GALNT9: variants seen among roughly 807,000 people sequenced by gnomAD.
The protein encoded by GALNT9 is polypeptide N-acetylgalactosaminyltransferase 9.
GALNT9 carries 47 observed loss-of-function variants against 63.1 expected under a neutral mutation model. That is an observed-to-expected ratio of 0.75 (90% CI 0.59 to 0.95). The LOEUF (loss-of-function observed/expected upper bound fraction) is 0.95. Among genes scored for constraint, GALNT9 ranks in the 40% least tolerant of loss-of-function variants. GALNT9 has a pLI of 0.00. For synonymous variants in GALNT9, 396 were observed against 365.7 expected, an observed-to-expected ratio of 1.08 and a Z score of -0.94; for missense variants, 829 against 874.8, an observed-to-expected ratio of 0.95 and a Z score of 0.66.
chr12:132,328,622 C>T (rs1869147502), intron 1 of GALNT9, among the ~76,000 whole-genome samples: 1 of 152,204 alleles, frequency 6.6e-6, no homozygotes, highest in African/African-American at 2.4e-5. Flanking sequence ...AGCGCCAAGC[C>T]AGCCCCCCAC....
intron 1 of GALNT9, among the ~76,000 whole-genome samples, chr12:132,321,601 A>G (rs1555246148): frequency 6.6e-6 from 1 of 151,542 alleles, no homozygotes; most frequent in African/African-American, 2.4e-5. Flanking sequence ...GACCACCCCA[A>G]CCCCAGGGCC....
In GALNT9 at chr12:132,284,171, ACACACACGCACACCCACGCATGTGTGTG is replaced by A. The variant is rs1331856446; in HGVS notation, c.419+2051_419+2078del. The stretch of plus-strand genomic sequence containing the variant: ...CACATGCACGCACACGCACGTATAC[ACACACACGCACACCCACGCATGTGTGTG>A]CACACGTGCACACACAGACTCCTGT... On this transcript the variant is annotated intron_variant, in intron 2 of 10. Coordinates refer to ENST00000328957, the MANE Select transcript of GALNT9 (RefSeq NM_001122636.2). 8 of 145,784 alleles carry A rather than the reference ACACACACGCACACCCACGCATGTGTGTG, an allele frequency of 5.5e-5. No homozygotes were observed. The East Asian group carries it at 1.6e-3, about 30-fold the overall frequency. 9.0% of individuals were successfully genotyped at this position (145,784 alleles called of 1,614,324 possible). A position where few individuals can be genotyped will look rare whatever the true frequency, so the allele number is the denominator to read the frequency against.
chr12:132,223,178 G>GCACACAACCCACACCC (rs1877540220), intron 6 of GALNT9, among the ~76,000 whole-genome samples: 1 of 8,810 alleles, frequency 1.1e-4, no homozygotes, highest in East Asian at 4.2e-3. Flanking sequence ...AACCCACACC[G>GCACACAACCCACACCC]CACACAACCC....
intron 7 of GALNT9, 139 bp from the exon 8 acceptor site, chr12:132,201,400 C>CCATCCGGCCA: frequency 1.8e-6 from 1 of 565,644 alleles, no homozygotes; most frequent in Admixed American, 3.2e-5. Flanking sequence ...TGCTGAGGCC[C>CCATCCGGCCA]CATCCAGTTG....
rs1869199870 is a variant in GALNT9, at chr12:132,329,399, G to A, written c.-196C>T. On this transcript the variant is annotated 5_prime_UTR_variant, in exon 1 of 11. Transcript: ENST00000328957. ...CCGGGGGTCCCCCAGAGCGCAGAGG[G>A]CTGCCCGGGGCTGGGGTCGCGGGGC... 1 of 653,146 alleles carries A rather than the reference G, an allele frequency of 1.5e-6. No individual in the cohort carries two copies. The highest frequency in any genetic ancestry group is 2.1e-6 in the Non-Finnish European group (1 of 468,020). 40.5% of individuals were successfully genotyped at this position (653,146 alleles called of 1,614,324 possible).
intron 6 of GALNT9, among the ~76,000 whole-genome samples, chr12:132,235,307 G>T (rs1877963266): frequency 6.6e-6 from 1 of 152,076 alleles, no homozygotes. Context: ...GCTGTGCACG[G>T]TGTGGTCATT....
At position 132,279,122 on chromosome 12, in the gene GALNT9, A is replaced by G. The variant is rs1880228960; in HGVS notation, c.419+7128T>C. 1 of 152,234 alleles carries G rather than the reference A, an allele frequency of 6.6e-6. No individual in the cohort carries two copies. The highest frequency in any genetic ancestry group is 1.5e-5 in the Non-Finnish European group (1 of 68,108). The allele number at this position is 152,234 out of a possible 1,614,324, so 9.4% of individuals were successfully genotyped here. The stretch of plus-strand genomic sequence containing the variant: ...ACGGGGGGCTCTGCATTCCCCAGTA[A>G]CCCAGGTTTCTGCTGGGGCTGCTCC... On this transcript the variant is annotated intron_variant, in intron 2 of 10. Transcript: ENST00000328957. This position sits in a 1 kb window ranked among gnomAD's most constrained non-coding sequence, Gnocchi z 4.1.
chr12:132,321,300 T>C (rs898043395), intron 1 of GALNT9, among the ~76,000 whole-genome samples: 18 of 151,962 alleles, frequency 1.2e-4, no homozygotes, highest in African/African-American at 4.1e-4. Context: ...CACCAGCTGC[T>C]CCGGAGACCT....
Position 132,286,142 on chromosome 12 carries a change from C to G in GALNT9, c.419+108G>C, listed in dbSNP as rs1314558532. 9 of 1,122,048 alleles carry G rather than the reference C, an allele frequency of 8.0e-6. No homozygotes were observed. The highest frequency in any genetic ancestry group is 7.1e-6 in the Non-Finnish European group (6 of 849,636). 69.5% of individuals were successfully genotyped at this position (1,122,048 alleles called of 1,614,324 possible). A position where few individuals can be genotyped will look rare whatever the true frequency, so the allele number is the denominator to read the frequency against. ...GTCACTTCCCTGGCGGGCGTGGGGG[C>G]CGCTCACTTCCCCGGCCGGCGTGGG... On this transcript the variant is annotated intron_variant, in intron 2 of 10. Coordinates refer to ENST00000328957, the MANE Select transcript of GALNT9 (RefSeq NM_001122636.2). The surrounding 1 kb of genome is among the most constrained non-coding windows in gnomAD (Gnocchi z 7.4).
intron 6 of GALNT9, among the ~76,000 whole-genome samples, chr12:132,214,850 T>A (rs1357558788): frequency 6.6e-6 from 1 of 152,174 alleles, no homozygotes; most frequent in African/African-American, 2.4e-5. Flanking sequence ...CTGTTCCTGC[T>A]CAGTTCTGTG....
intron 6 of GALNT9, among the ~76,000 whole-genome samples, chr12:132,215,005 GC>G (rs1401691790): frequency 6.6e-6 from 1 of 152,210 alleles, no homozygotes; most frequent in Non-Finnish European, 1.5e-5. Context: ...GGAGAAACCT[GC>G]CGGCCTCTGT....
chr12:132,304,784 C>A (rs558107247), intron 1 of GALNT9, among the ~76,000 whole-genome samples: 2 of 59,068 alleles, frequency 3.4e-5, no homozygotes, highest in Non-Finnish European at 3.2e-5. Flanking sequence ...CGGGCACACC[C>A]TCGCCCAGAC....
chr12:132,262,368 G>C, intron 3 of GALNT9, 91 bp downstream of exon 3: 1 of 1,452,956 alleles, frequency 6.9e-7, no homozygotes, highest in Non-Finnish European at 9.1e-7. Context: ...GTCCTCTGTC[G>C]CTCTGCCCCC....
At chr12:132,199,109 G>T in intron 9 of GALNT9, 65 bp downstream of exon 9, 2 of 1,067,262 alleles carry the variant, frequency 1.9e-6, no homozygotes, top group Non-Finnish European at 2.8e-6. Context: ...GCCCCAGGGT[G>T]TAGGGTCCGG....
Position 132,197,903 on chromosome 12 carries a change from G to A in GALNT9, c.1554C>T (p.Ala518=). Residue 518 remains alanine, a synonymous_variant, in exon 10 of 11, where the codon GCC becomes GCT. Coordinates refer to ENST00000328957, the MANE Select transcript of GALNT9 (RefSeq NM_001122636.2). ...CCAGACACTTGGAGTCAGGCAAGAAGGCTGTGGAGCCCAGAGGCCCCAGCT... is the reference window on the plus strand; with the variant it reads ...CCAGACACTTGGAGTCAGGCAAGAAAGCTGTGGAGCCCAGAGGCCCCAGCT... ...LLQLGPLGST[A]FLPDSKCLVD... 6.2e-7 allele frequency: 1 copy of A among 1,611,828 alleles called. No individual in the cohort carries two copies. Among genetic ancestry groups the A allele is most frequent in the Non-Finnish European group, 8.5e-7 (1 of 1,179,436 alleles).
intron 1 of GALNT9, among the ~76,000 whole-genome samples, chr12:132,305,839 G>A (rs1291568580): frequency 6.6e-6 from 1 of 152,206 alleles, no homozygotes; most frequent in Non-Finnish European, 1.5e-5. Flanking sequence ...CCAGGCCTGG[G>A]GTTTCCCTAC....
chr12:132,225,281 C>G (rs1358947330), intron 6 of GALNT9, among the ~76,000 whole-genome samples: 4 of 134,006 alleles, frequency 3.0e-5, no homozygotes, highest in South Asian at 5.0e-4. Context: ...ACAACCCACC[C>G]CACACTACAT....
chr12:132,286,144 G>T lies in GALNT9; in HGVS notation c.419+106C>A. Reference sequence around the variant, plus strand: ...CACTTCCCTGGCGGGCGTGGGGGCCGCTCACTTCCCCGGCCGGCGTGGGGG... The same window carrying T: ...CACTTCCCTGGCGGGCGTGGGGGCCTCTCACTTCCCCGGCCGGCGTGGGGG... On this transcript the variant is annotated intron_variant, in intron 2 of 10. Coordinates refer to ENST00000328957, the MANE Select transcript of GALNT9 (RefSeq NM_001122636.2). The surrounding 1 kb of genome is among the most constrained non-coding windows in gnomAD (Gnocchi z 7.4). 1 of 1,331,442 alleles carries T rather than the reference G, an allele frequency of 7.5e-7. No individual in the cohort carries two copies. The highest frequency in any genetic ancestry group is 2.8e-5 in the Admixed American group (1 of 35,172). 82.5% of individuals were successfully genotyped at this position (1,331,442 alleles called of 1,614,324 possible).
At position 132,203,571 on chromosome 12, in the gene GALNT9, G is replaced by A. The variant is rs544376030; in HGVS notation, c.1197C>T (p.Arg399=). ...IDYYAKRNAL[R]AAEVWMDDFK... is the part of the protein sequence containing the mutation. ...AGTCATCCATCCACACCTCGGCGGC[G>A]CGCAGGGCGTTGCGCTTGGCATAGT... Residue 399 remains arginine, a synonymous_variant, in exon 7 of 11, where the codon CGC becomes CGT. Coordinates refer to ENST00000328957, the MANE Select transcript of GALNT9 (RefSeq NM_001122636.2). The A allele has an allele frequency of 9.6e-5, 155 of 1,613,968 alleles. No individual in the cohort carries two copies. The East Asian group carries it at 2.6e-3, about 27-fold the overall frequency.
Sources: gnomAD v4.1 joint callset for allele counts (sites outside exome capture counted in the v4.1 genomes callset) on GRCh38, gnomAD v4.1.1 for gene constraint, Gnocchi (gnomAD v3.1) non-coding constraint, MANE v1.5 for transcripts, NCBI Gene and HGNC (gene_info 2026-07-23, HGNC 2026-07-21) for gene names.